TASP1: variants seen among roughly 807,000 people sequenced by gnomAD.
TASP1 encodes threonine aspartase 1.
Under a neutral mutation model 56.6 loss-of-function variants are expected in TASP1, and 16 were observed. The observed-to-expected ratio is 0.28, with a 90% CI of 0.19 to 0.43. TASP1 has a LOEUF of 0.43. Ranked by LOEUF, TASP1 falls within the 20% of genes least tolerant of loss-of-function variation. TASP1 has a pLI of 1.00. For synonymous variants in TASP1, 179 were observed against 184.2 expected, an observed-to-expected ratio of 0.97 and a Z score of 0.23; for missense variants, 393 against 511.6, an observed-to-expected ratio of 0.77 and a Z score of 2.24.
chr20:13,565,309 A>G (rs1425772665), intron 7 of TASP1, among the ~76,000 whole-genome samples: 1 of 152,308 alleles, frequency 6.6e-6, no homozygotes, highest in African/African-American at 2.4e-5. Context: ...AACATAGGGG[A>G]AAGGTTGGAT....
intron 1 of TASP1, among the ~76,000 whole-genome samples, chr20:13,634,847 G>A (rs1218873713): frequency 6.6e-6 from 1 of 150,960 alleles, no homozygotes; most frequent in East Asian, 1.9e-4. Context: ...TGACCAACAA[G>A]GAGAAACCCC....
intron 8 of TASP1, among the ~76,000 whole-genome samples, chr20:13,544,450 A>G (rs1372398869): frequency 6.6e-6 from 1 of 152,214 alleles, no homozygotes; most frequent in African/African-American, 2.4e-5. Context: ...AAATATATTC[A>G]AGAGAGAAGA....
At chr20:13,164,887 C>T in the TASP1 span, 1 of 1,591,932 alleles carries the variant, frequency 6.3e-7, no homozygotes, top group Non-Finnish European at 8.6e-7. Context: ...TCCTGAATGA[C>T]ACATAAAGAC....
chr20:13,283,861 T>C, the TASP1 span, among the ~76,000 whole-genome samples: 1 of 152,346 alleles, frequency 6.6e-6, no homozygotes, highest in African/African-American at 2.4e-5. Flanking sequence ...GTGATTTTTT[T>C]TCAGTGGTTT....
chr20:13,628,837 T>A (rs1423184392), intron 2 of TASP1, among the ~76,000 whole-genome samples: 1 of 152,220 alleles, frequency 6.6e-6, no homozygotes, highest in Non-Finnish European at 1.5e-5. Flanking sequence ...AGCAGCACTG[T>A]TCTGCAACCC....
At chr20:13,183,787 T>C in the TASP1 span, among the ~76,000 whole-genome samples, 6 of 152,166 alleles carry the variant, frequency 3.9e-5, no homozygotes, top group African/African-American at 1.4e-4. Flanking sequence ...CCCAGCACTT[T>C]GGGAGGCTGA....
chr20:13,555,382 T>A (rs370541148), intron 8 of TASP1, among the ~76,000 whole-genome samples: 4 of 99,348 alleles, frequency 4.0e-5, no homozygotes, highest in East Asian at 3.0e-4. Context: ...AGACTCCCTC[T>A]AAAAAAAAAA....
At chr20:13,418,628 T>C (rs1331791504) in intron 12 of TASP1, among the ~76,000 whole-genome samples, 1 of 152,226 alleles carries the variant, frequency 6.6e-6, no homozygotes, top group Non-Finnish European at 1.5e-5. Flanking sequence ...GGATGGGCTA[T>C]TTACATAGCT....
chr20:13,497,894 T>G (rs1389486660), intron 10 of TASP1, among the ~76,000 whole-genome samples: 1 of 152,164 alleles, frequency 6.6e-6, no homozygotes, highest in Non-Finnish European at 1.5e-5. Flanking sequence ...GAAATGACTC[T>G]GTATTTAATA....
chr20:13,128,806 T>TTAGCC, the TASP1 span, among the ~76,000 whole-genome samples: 2 of 151,702 alleles, frequency 1.3e-5, no homozygotes, highest in Non-Finnish European at 2.9e-5. Flanking sequence ...TTCTCCTGCC[T>TTAGCC]TAGCCTCCTG....
At chr20:13,612,276 CT>C (rs1456961975) in intron 4 of TASP1, among the ~76,000 whole-genome samples, 1 of 151,936 alleles carries the variant, frequency 6.6e-6, no homozygotes, top group Non-Finnish European at 1.5e-5. Context: ...TTTGTAATAC[CT>C]TTTTCCTTCT....
At chr20:13,484,783 T>C (rs1600957932) in intron 10 of TASP1, among the ~76,000 whole-genome samples, 1 of 147,686 alleles carries the variant, frequency 6.8e-6, no homozygotes, top group Non-Finnish European at 1.5e-5. Context: ...GTATACACCA[T>C]GGAATACTAC....
chr20:13,153,876 C>A, the TASP1 span: 2 of 1,256,712 alleles, frequency 1.6e-6, no homozygotes, highest in Non-Finnish European at 2.2e-6. Context: ...TCTCCCTTCC[C>A]TACTTCCTCC....
chr20:13,358,650 G>A, the TASP1 span, among the ~76,000 whole-genome samples: 91 of 148,926 alleles, frequency 6.1e-4, no homozygotes, highest in African/African-American at 2.3e-3. Context: ...CGCCAGTCAC[G>A]GACTGGGAAG....
the TASP1 span, among the ~76,000 whole-genome samples, chr20:13,259,392 A>G: frequency 6.6e-6 from 1 of 152,178 alleles, no homozygotes; most frequent in Non-Finnish European, 1.5e-5. Flanking sequence ...ATATGGATAC[A>G]AGCATTTCTT....
chr20:13,227,959 CTTT>C, the TASP1 span, among the ~76,000 whole-genome samples: 15 of 129,020 alleles, frequency 1.2e-4, no homozygotes, highest in African/African-American at 3.4e-4. Context: ...CTGCTGCTGC[CTTT>C]TTTTTTTTTT....
the TASP1 span, among the ~76,000 whole-genome samples, chr20:13,297,414 C>T: frequency 1.3e-5 from 2 of 152,306 alleles, no homozygotes; most frequent in Middle Eastern, 3.4e-3. Context: ...TCTCTAATTC[C>T]CCTGCTCCCC....
intron 10 of TASP1, among the ~76,000 whole-genome samples, chr20:13,508,883 T>C (rs975408153): frequency 3.9e-5 from 6 of 152,176 alleles, no homozygotes; most frequent in Admixed American, 2.6e-4. Context: ...TTGTACACTG[T>C]TGGTGGAATT....
At chr20:13,265,536 C>A in the TASP1 span, among the ~76,000 whole-genome samples, 8 of 152,148 alleles carry the variant, frequency 5.3e-5, no homozygotes. Flanking sequence ...TGTTAATCAT[C>A]GAAAGCTTCC....
Sources: allele counts gnomAD v4.1 joint callset (sites outside exome capture counted in the v4.1 genomes callset), GRCh38; gene constraint gnomAD v4.1.1; transcripts MANE v1.5; gene names NCBI Gene and HGNC (gene_info 2026-07-23, HGNC 2026-07-21).